ABTB2: variants seen among roughly 807,000 people sequenced by gnomAD.
ABTB2 encodes ankyrin repeat and BTB domain containing 2.
ABTB2 carries 56 observed loss-of-function variants against 104.1 expected under a neutral mutation model. The ratio of observed to expected loss-of-function variants is 0.54; its 90% CI spans 0.43 to 0.67. ABTB2 has a LOEUF of 0.67. Among genes scored for constraint, ABTB2 ranks in the 30% least tolerant of loss-of-function variants. The pLI is 0.00. For synonymous variants in ABTB2, 606 were observed against 608.2 expected (o/e 1.00, Z 0.05); for missense variants, 1,279 against 1,407.7 (o/e 0.91, Z 1.46).
intron 1 of ABTB2, among the ~76,000 whole-genome samples, chr11:34,288,613 C>T (rs1176065806): frequency 6.6e-6 from 1 of 152,032 alleles, no homozygotes; most frequent in Non-Finnish European, 1.5e-5. Context: ...TTGTTTTCGG[C>T]CCAGGAGGAG....
chr11:34,226,484 A>G (rs766008773), intron 1 of ABTB2, among the ~76,000 whole-genome samples: 25 of 152,212 alleles, frequency 1.6e-4, no homozygotes, highest in Non-Finnish European at 3.2e-4. Flanking sequence ...ACTCTGTGAC[A>G]TGATGGTATC....
intron 1 of ABTB2, among the ~76,000 whole-genome samples, chr11:34,320,692 C>A (rs565181648): frequency 6.6e-6 from 1 of 152,160 alleles, no homozygotes; most frequent in Non-Finnish European, 1.5e-5. Flanking sequence ...CCACATTAGA[C>A]GTCCGTGGAA....
At chr11:34,219,847 C>T (rs1853596159) in intron 1 of ABTB2, among the ~76,000 whole-genome samples, 1 of 152,198 alleles carries the variant, frequency 6.6e-6, no homozygotes, top group Non-Finnish European at 1.5e-5. Flanking sequence ...CTATCCCTGT[C>T]ATTAAGCAAT....
chr11:34,167,143 G>T, intron 7 of ABTB2, 116 bp downstream of exon 7: 2 of 969,234 alleles, frequency 2.1e-6, no homozygotes, highest in Middle Eastern at 3.1e-4. Flanking sequence ...CTCAAGCAGT[G>T]CCTTTGGGAT....
intron 1 of ABTB2, among the ~76,000 whole-genome samples, chr11:34,231,674 G>C (rs1017647459): frequency 2.6e-5 from 4 of 152,110 alleles, no homozygotes; most frequent in African/African-American, 9.7e-5. Context: ...GGGTTCAAGC[G>C]ATTCTCCTGC....
intron 1 of ABTB2, among the ~76,000 whole-genome samples, chr11:34,241,798 C>A (rs1229394233): frequency 1.3e-5 from 2 of 152,206 alleles, no homozygotes; most frequent in Non-Finnish European, 2.9e-5. Flanking sequence ...AAATTGGTTA[C>A]CTTTTCATTC....
chr11:34,154,686 T>G lies in ABTB2; in HGVS notation c.2766+15A>C, dbSNP rs779914940. 1 of 1,613,642 alleles carries G rather than the reference T, an allele frequency of 6.2e-7. No homozygotes were observed. The highest frequency in any genetic ancestry group is 1.7e-5 in the Admixed American group (1 of 60,010). Reference sequence around the variant, plus strand: ...CACCCTAGCCCAGGCCCCCTCCCCCTCTCCCGAGTCTCACCTCCAGGATGT... The same window carrying G: ...CACCCTAGCCCAGGCCCCCTCCCCCGCTCCCGAGTCTCACCTCCAGGATGT... On this transcript the variant is annotated intron_variant, in intron 15 of 16. Coordinates refer to ENST00000435224, the MANE Select transcript of ABTB2 (RefSeq NM_145804.3). The surrounding 1 kb of genome is among the most constrained non-coding windows in gnomAD (Gnocchi z 4.9).
intron 1 of ABTB2, among the ~76,000 whole-genome samples, chr11:34,255,791 A>G (rs543577540): frequency 5.9e-5 from 9 of 152,218 alleles, no homozygotes; most frequent in Non-Finnish European, 1.3e-4. Context: ...TGCTGGGATT[A>G]CAGGCGTGAG....
chr11:34,198,461 A>AC (rs1200601241), intron 2 of ABTB2, among the ~76,000 whole-genome samples: 3 of 121,956 alleles, frequency 2.5e-5, no homozygotes, highest in African/African-American at 1.0e-4. Flanking sequence ...CAACAAAAAA[A>AC]AACAAAAACT....
At chr11:34,287,475 G>A (rs1854519022) in intron 1 of ABTB2, among the ~76,000 whole-genome samples, 1 of 152,162 alleles carries the variant, frequency 6.6e-6, no homozygotes, top group Admixed American at 6.5e-5. Context: ...CTTGAATCTG[G>A]GAGGTGGAGG....
intron 9 of ABTB2, 132 bp downstream of exon 9, chr11:34,164,554 T>C (rs1852770375): frequency 1.8e-6 from 2 of 1,129,424 alleles, no homozygotes; most frequent in African/African-American, 1.6e-5. Flanking sequence ...TCTGGTTTAC[T>C]AGCACACAGG....
Position 34,154,558 on chromosome 11 carries a change from T to C in ABTB2, c.2766+143A>G, listed in dbSNP as rs764537537. 2 of 902,434 alleles carry C rather than the reference T, an allele frequency of 2.2e-6. No homozygotes were observed. The highest frequency in any genetic ancestry group is 3.5e-6 in the Non-Finnish European group (2 of 577,510). The allele number at this position is 902,434 out of a possible 1,614,324, so 55.9% of individuals were successfully genotyped here. On this transcript the variant is annotated intron_variant, in intron 15 of 16. Coordinates refer to ENST00000435224, the MANE Select transcript of ABTB2 (RefSeq NM_145804.3). This position sits in a 1 kb window ranked among gnomAD's most constrained non-coding sequence, Gnocchi z 4.9. ...GGACACGCACTGAGGCTGGGCTCAG[T>C]GGTGTGCACAGTTCCTCTTTCTGGG...
At chr11:34,318,432 A>T (rs549245912) in intron 1 of ABTB2, among the ~76,000 whole-genome samples, 34 of 152,318 alleles carry the variant, frequency 2.2e-4, no homozygotes, top group Middle Eastern at 3.4e-3. Context: ...AAAAGACATG[A>T]TTCCAAGGAA....
intron 2 of ABTB2, among the ~76,000 whole-genome samples, chr11:34,202,509 C>T (rs1286994041): frequency 1.3e-5 from 2 of 152,088 alleles, no homozygotes; most frequent in East Asian, 1.9e-4. Flanking sequence ...GGATAGATAT[C>T]GAGCAGATGA....
intron 1 of ABTB2, among the ~76,000 whole-genome samples, chr11:34,277,230 A>G (rs1250767698): frequency 1.3e-5 from 2 of 152,146 alleles, no homozygotes; most frequent in African/African-American, 4.8e-5. Flanking sequence ...GTTCAAATGA[A>G]ACCATTTGGA....
chr11:34,331,181 T>C (rs546720199), intron 1 of ABTB2, among the ~76,000 whole-genome samples: 23 of 152,344 alleles, frequency 1.5e-4, no homozygotes, highest in African/African-American at 3.8e-4. Context: ...GTCCTCCTGA[T>C]TGAAGGGACT....
chr11:34,157,610 C>T (rs1852648011), intron 14 of ABTB2, among the ~76,000 whole-genome samples: 1 of 152,202 alleles, frequency 6.6e-6, no homozygotes, highest in African/African-American at 2.4e-5. Context: ...GTTCCTAAAG[C>T]TGCCCATTCT....
chr11:34,173,758 C>G (rs1334643300), intron 3 of ABTB2, among the ~76,000 whole-genome samples: 1 of 152,126 alleles, frequency 6.6e-6, no homozygotes, highest in Non-Finnish European at 1.5e-5. Context: ...GGAGAGGCTG[C>G]ACAGCTAAGA....
chr11:34,274,560 TAC>T (rs3830969), intron 1 of ABTB2, among the ~76,000 whole-genome samples: 17,552 of 146,290 alleles, frequency 0.12, 1,206 homozygotes, highest in Admixed American at 0.22. Flanking sequence ...GATTGGAATA[TAC>T]ACACACACAC....
Sources: gnomAD v4.1 joint callset for allele counts (sites outside exome capture counted in the v4.1 genomes callset) on GRCh38, gnomAD v4.1.1 for gene constraint, Gnocchi (gnomAD v3.1) non-coding constraint, MANE v1.5 for transcripts, NCBI Gene and HGNC (gene_info 2026-07-23, HGNC 2026-07-21) for gene names.